PTPRG: variants seen among roughly 807,000 people sequenced by gnomAD.
PTPRG encodes protein tyrosine phosphatase receptor type G, also known as receptor-type tyrosine-protein phosphatase gamma.
PTPRG carries 102 observed loss-of-function variants against 165.3 expected under a neutral mutation model. The observed-to-expected ratio is 0.62, with a 90% CI of 0.53 to 0.73. PTPRG has a LOEUF of 0.73. Among genes scored for constraint, PTPRG ranks in the 30% least tolerant of loss-of-function variants. The probability of loss-of-function intolerance (pLI) is 0.00; values close to 1 mark genes in which losing one functional copy is unlikely to be tolerated. For synonymous variants in PTPRG, 675 were observed against 669.5 expected (o/e 1.01, Z -0.13); for missense variants, 1,866 against 1,861.4 (o/e 1.00, Z -0.05).
intron 1 of PTPRG, among the ~76,000 whole-genome samples, chr3:61,637,028 T>A (rs932055381): frequency 6.6e-6 from 1 of 152,228 alleles, no homozygotes; most frequent in South Asian, 2.1e-4. Flanking sequence ...GTATACTGAT[T>A]GCTGAGTGGT....
At chr3:61,807,052 A>G (rs2035439814) in intron 2 of PTPRG, among the ~76,000 whole-genome samples, 1 of 152,202 alleles carries the variant, frequency 6.6e-6, no homozygotes, top group African/African-American at 2.4e-5. Context: ...TATCACATGG[A>G]CGGAGAGGAC....
chr3:62,000,052 C>T (rs1322971149), intron 3 of PTPRG, among the ~76,000 whole-genome samples: 5 of 152,208 alleles, frequency 3.3e-5, no homozygotes, highest in Non-Finnish European at 4.4e-5. Flanking sequence ...TGTGTAATCT[C>T]GACACTTTGG....
chr3:61,638,541 A>T (rs1289400459), intron 1 of PTPRG, among the ~76,000 whole-genome samples: 1 of 149,374 alleles, frequency 6.7e-6, no homozygotes, highest in African/African-American at 2.4e-5. Flanking sequence ...TGAAAAAAAA[A>T]ATCTTCCCAA....
intron 1 of PTPRG, among the ~76,000 whole-genome samples, chr3:61,745,258 A>G (rs760480230): frequency 6.6e-6 from 1 of 152,084 alleles, no homozygotes; most frequent in Non-Finnish European, 1.5e-5. Context: ...CATGTTGGCC[A>G]GGATGGTCTC....
At chr3:61,796,248 C>T (rs55831348) in intron 2 of PTPRG, among the ~76,000 whole-genome samples, 5,183 of 152,262 alleles carry the variant, frequency 0.034, 310 homozygotes, top group African/African-American at 0.12. Flanking sequence ...TTAGTCCACA[C>T]GCAGATAACT....
intron 1 of PTPRG, among the ~76,000 whole-genome samples, chr3:61,651,361 T>A (rs1702349414): frequency 2.0e-5 from 1 of 49,296 alleles, no homozygotes; most frequent in African/African-American, 6.6e-5. Flanking sequence ...CCATTGTTAA[T>A]AATCTTTTTT....
At chr3:61,701,607 A>G (rs2030964663) in intron 1 of PTPRG, among the ~76,000 whole-genome samples, 1 of 152,210 alleles carries the variant, frequency 6.6e-6, no homozygotes, top group African/African-American at 2.4e-5. Context: ...GGTGATAGAA[A>G]TAATTGAAGG....
intron 5 of PTPRG, among the ~76,000 whole-genome samples, chr3:62,121,802 T>C (rs1329350939): frequency 6.6e-6 from 1 of 152,200 alleles, no homozygotes; most frequent in Non-Finnish European, 1.5e-5. Context: ...GAAGAAATCA[T>C]ATTATTTTCT....
At chr3:61,576,822 C>A (rs1391861483) in intron 1 of PTPRG, among the ~76,000 whole-genome samples, 2 of 152,176 alleles carry the variant, frequency 1.3e-5, no homozygotes, top group African/African-American at 4.8e-5. Flanking sequence ...AATCCAGTCT[C>A]TTGATGGTGG....
At chr3:61,711,206 A>G (rs2031535743) in intron 1 of PTPRG, among the ~76,000 whole-genome samples, 1 of 152,142 alleles carries the variant, frequency 6.6e-6, no homozygotes, top group Admixed American at 6.6e-5. Flanking sequence ...AGTCTTTGCT[A>G]TGGTGAATAG....
At chr3:61,822,845 CCT>C (rs1401405450) in intron 2 of PTPRG, among the ~76,000 whole-genome samples, 2 of 152,160 alleles carry the variant, frequency 1.3e-5, no homozygotes, top group African/African-American at 4.8e-5. Flanking sequence ...CTCTAACAGT[CCT>C]CATACCTTCC....
At chr3:62,074,580 G>T (rs932783987) in intron 4 of PTPRG, among the ~76,000 whole-genome samples, 1 of 151,858 alleles carries the variant, frequency 6.6e-6, no homozygotes, top group African/African-American at 2.4e-5. Context: ...TTCTCAACCA[G>T]TCCTCCCACT....
intron 2 of PTPRG, among the ~76,000 whole-genome samples, chr3:61,768,167 G>A (rs1353245738): frequency 6.6e-6 from 1 of 152,064 alleles, no homozygotes; most frequent in Non-Finnish European, 1.5e-5. Context: ...ATTTGATCAA[G>A]ACAGAGAGTT....
chr3:62,114,630 A>T (rs1171295936), intron 5 of PTPRG, among the ~76,000 whole-genome samples: 5 of 152,200 alleles, frequency 3.3e-5, no homozygotes, highest in African/African-American at 9.7e-5. Flanking sequence ...ACATACCAAG[A>T]TAATTTTTTA....
intron 4 of PTPRG, among the ~76,000 whole-genome samples, chr3:62,053,967 A>G (rs1008887720): frequency 2.0e-5 from 3 of 152,206 alleles, no homozygotes; most frequent in Non-Finnish European, 4.4e-5. Context: ...ATGAGGGACT[A>G]TACATGTGTA....
intron 1 of PTPRG, among the ~76,000 whole-genome samples, chr3:61,650,124 T>C (rs1165967411): frequency 6.6e-6 from 1 of 152,204 alleles, no homozygotes; most frequent in Non-Finnish European, 1.5e-5. Context: ...AAAAGCCTGG[T>C]ACTTTTTTTC....
chr3:61,843,967 T>C (rs1220880243), intron 2 of PTPRG, among the ~76,000 whole-genome samples: 3 of 110,330 alleles, frequency 2.7e-5, no homozygotes, highest in African/African-American at 1.6e-4. Flanking sequence ...TACAACTCTT[T>C]TTTTTTTTTT....
At chr3:61,741,266 A>G (rs984343493) in intron 1 of PTPRG, among the ~76,000 whole-genome samples, 1 of 152,204 alleles carries the variant, frequency 6.6e-6, no homozygotes, top group African/African-American at 2.4e-5. Context: ...CTTGTCTGCC[A>G]TTCTGGATAT....
chr3:61,876,977 C>A (rs1182602511), intron 2 of PTPRG, among the ~76,000 whole-genome samples: 1 of 148,960 alleles, frequency 6.7e-6, no homozygotes, highest in Non-Finnish European at 1.5e-5. Context: ...TGTGGTTCTC[C>A]CTTTATTCCT....
Sources: allele counts gnomAD v4.1 joint callset (sites outside exome capture counted in the v4.1 genomes callset), GRCh38; gene constraint gnomAD v4.1.1; transcripts MANE v1.5; gene names NCBI Gene and HGNC (gene_info 2026-07-23, HGNC 2026-07-21).